The following NKAIN2 variants were observed in gnomAD, a reference collection of about 807,000 sequenced individuals.
The protein encoded by NKAIN2 is sodium/potassium transporting ATPase interacting 2, also known as sodium/potassium-transporting ATPase subunit beta-1-interacting protein 2.
A neutral mutation model predicts 32.6 loss-of-function variants in NKAIN2; 14 were observed. That is an observed-to-expected ratio of 0.43 (90% CI 0.28 to 0.67). NKAIN2 has a LOEUF of 0.67. Ranked by LOEUF, NKAIN2 falls within the 30% of genes least tolerant of loss-of-function variation. NKAIN2 has a pLI of 0.17. For missense variants in NKAIN2, 198 were observed against 258.3 expected (o/e 0.77, Z 1.60); for synonymous variants, 80 against 87.2 (o/e 0.92, Z 0.46).
At chr6:124,595,308 G>T (rs1049205881) in intron 3 of NKAIN2, among the ~76,000 whole-genome samples, 13 of 152,140 alleles carry the variant, frequency 8.5e-5, no homozygotes, top group Non-Finnish European at 1.6e-4. Flanking sequence ...CAGACTCACA[G>T]ATCTGAACTC....
chr6:124,184,812 A>G (rs936624148), intron 1 of NKAIN2, among the ~76,000 whole-genome samples: 2 of 152,188 alleles, frequency 1.3e-5, no homozygotes, highest in Admixed American at 6.5e-5. Flanking sequence ...TCCTTGTTAA[A>G]TACAGACTTA....
intron 5 of NKAIN2, chr6:124,804,566 G>A (rs564510347): frequency 4.5e-4 from 81 of 181,320 alleles, no homozygotes; most frequent in African/African-American, 1.7e-3. Context: ...CGTGAGCGAC[G>A]CAGAAGACAG....
chr6:124,187,191 C>G lies in NKAIN2; in HGVS notation c.55-95814C>G, dbSNP rs190742775. Reference sequence around the variant, plus strand: ...AATGTAGCCCTAGCTTTACCTAATGCTATGATAATGCTCACTAACCTGATA... The same window carrying G: ...AATGTAGCCCTAGCTTTACCTAATGGTATGATAATGCTCACTAACCTGATA... On this transcript the variant is annotated intron_variant, in intron 1 of 6. Transcript: ENST00000368417. 2.7e-4 allele frequency among the ~76,000 whole-genome samples: 41 copies of G among 152,264 alleles called. No individual in the cohort carries two copies. The East Asian group carries it at 7.1e-3, about 26-fold the overall frequency.
At chr6:124,276,094 G>A (rs927911357) in intron 1 of NKAIN2, among the ~76,000 whole-genome samples, 2 of 151,824 alleles carry the variant, frequency 1.3e-5, no homozygotes, top group African/African-American at 4.8e-5. Context: ...AGCAATTAGG[G>A]CCAAGTCTCT....
intron 3 of NKAIN2, among the ~76,000 whole-genome samples, chr6:124,518,792 G>T (rs1728467968): frequency 6.6e-6 from 1 of 152,168 alleles, no homozygotes; most frequent in African/African-American, 2.4e-5. Flanking sequence ...TTCTGCCACT[G>T]ATCGTTTTGA....
chr6:124,544,697 A>G (rs1251245288), intron 3 of NKAIN2, among the ~76,000 whole-genome samples: 3 of 152,120 alleles, frequency 2.0e-5, no homozygotes, highest in Non-Finnish European at 4.4e-5. Context: ...GATTAAATAC[A>G]ATGAGTTCTG....
At chr6:124,724,231 T>C (rs145407402) in intron 4 of NKAIN2, among the ~76,000 whole-genome samples, 72 of 152,118 alleles carry the variant, frequency 4.7e-4, no homozygotes, top group African/African-American at 1.7e-3. Flanking sequence ...TAATGAGTAA[T>C]TTCCTGACCA....
Position 124,515,384 on chromosome 6 carries a change from A to G in NKAIN2, c.274-142802A>G, listed in dbSNP as rs1281082965. Among the ~76,000 whole-genome samples, 3 of 151,998 alleles carry G rather than the reference A, an allele frequency of 2.0e-5. No individual in the cohort carries two copies. The East Asian group carries it at 5.9e-4, about 30-fold the overall frequency. On this transcript the variant is annotated intron_variant, in intron 3 of 6. Transcript: ENST00000368417. The stretch of plus-strand genomic sequence containing the variant: ...AAGGTGAAGGGGATTCTGGTTGTTT[A>G]AAAGAGCCTAGCACCTCCCACCTCT...
chr6:124,237,393 C>A (rs1381352509), intron 1 of NKAIN2, among the ~76,000 whole-genome samples: 1 of 151,658 alleles, frequency 6.6e-6, no homozygotes, highest in Non-Finnish European at 1.5e-5. Context: ...AGAGAGAGAG[C>A]CTGAAACAGA....
At chr6:124,803,101 C>T (rs1180859353) in intron 5 of NKAIN2, among the ~76,000 whole-genome samples, 1 of 152,206 alleles carries the variant, frequency 6.6e-6, no homozygotes, top group Non-Finnish European at 1.5e-5. Context: ...CTCAACCATG[C>T]TTCATTCTTC....
chr6:123,950,381 T>A (rs1048181243), intron 1 of NKAIN2, among the ~76,000 whole-genome samples: 4 of 151,972 alleles, frequency 2.6e-5, no homozygotes, highest in African/African-American at 9.6e-5. Context: ...TGGTGCTAGT[T>A]CTTCTTTGAA....
At chr6:124,462,387 C>A (rs543385089) in intron 3 of NKAIN2, among the ~76,000 whole-genome samples, 2 of 151,968 alleles carry the variant, frequency 1.3e-5, no homozygotes, top group South Asian at 4.2e-4. Flanking sequence ...AATATTAGTA[C>A]AAAAATATTG....
intron 1 of NKAIN2, among the ~76,000 whole-genome samples, chr6:124,129,713 G>A (rs997431102): frequency 6.6e-5 from 10 of 152,002 alleles, no homozygotes; most frequent in Non-Finnish European, 1.2e-4. Flanking sequence ...TGCCTCCTGG[G>A]TTCAAGAGAT....
At chr6:124,437,374 C>A (rs1775493060) in intron 3 of NKAIN2, among the ~76,000 whole-genome samples, 2 of 152,286 alleles carry the variant, frequency 1.3e-5, no homozygotes, top group South Asian at 4.1e-4. Flanking sequence ...GTCAGTTTGA[C>A]CAAGTAAATA....
chr6:124,550,968 A>G (rs1780264932), intron 3 of NKAIN2, among the ~76,000 whole-genome samples: 1 of 152,156 alleles, frequency 6.6e-6, no homozygotes, highest in Non-Finnish European at 1.5e-5. Flanking sequence ...GTAGAATTCA[A>G]CCTAATAGTA....
intron 3 of NKAIN2, among the ~76,000 whole-genome samples, chr6:124,476,094 G>GTGTGTGTGTGTGTGTGTT (rs1777198266): frequency 6.7e-6 from 1 of 149,722 alleles, no homozygotes; most frequent in African/African-American, 2.5e-5. Flanking sequence ...GTGTGTGTGT[G>GTGTGTGTGTGTGTGTGTT]TGTGCGTGCG....
Position 124,433,132 on chromosome 6 carries a change from C to T in NKAIN2, c.273+77785C>T, listed in dbSNP as rs190182258. Among the ~76,000 whole-genome samples the T allele has an allele frequency of 2.7e-3, 407 of 152,270 alleles. 1 individual carries two copies. The highest frequency in any genetic ancestry group is 6.9e-3 in the Admixed American group (106 of 15,282). On this transcript the variant is annotated intron_variant, in intron 3 of 6. Transcript: ENST00000368417. ...CTGGTATGGCCTCAATATCAGCCCT[C>T]GCCATTCTGACCATTCACTCTCAGA...
At chr6:124,426,621 G>A (rs975767154) in intron 3 of NKAIN2, among the ~76,000 whole-genome samples, 4 of 152,138 alleles carry the variant, frequency 2.6e-5, no homozygotes, top group Admixed American at 1.3e-4. Context: ...CAATGTACAT[G>A]GCTAAAATAT....
chr6:123,846,143 A>G (rs1775079841), intron 1 of NKAIN2, among the ~76,000 whole-genome samples: 1 of 152,176 alleles, frequency 6.6e-6, no homozygotes, highest in Admixed American at 6.5e-5. Flanking sequence ...TTAAACTTGG[A>G]GCAGCACTCA....
Sources: gnomAD v4.1 joint callset for allele counts (sites outside exome capture counted in the v4.1 genomes callset) on GRCh38, gnomAD v4.1.1 for gene constraint, MANE v1.5 for transcripts, NCBI Gene and HGNC (gene_info 2026-07-23, HGNC 2026-07-21) for gene names.